Variants in MALRD1 observed in about 807,000 individuals in gnomAD.
MALRD1 encodes MAM and LDL-receptor class A domain-containing protein 1.
In MALRD1, 247 loss-of-function variants were observed where a neutral mutation model predicts 242.1. The observed-to-expected ratio is 1.02, with a 90% confidence interval of 0.92 to 1.13. The LOEUF is 1.13. MALRD1 is among the 50% of genes most tolerant of loss of function. The pLI is 0.00. For synonymous variants in MALRD1, 995 were observed against 866.6 expected, an observed-to-expected ratio of 1.15 and a Z score of -2.60; for missense variants, 2,989 against 2,533.1, an observed-to-expected ratio of 1.18 and a Z score of -3.86.
At chr10:19,679,050 C>T (rs1842255924) in intron 36 of MALRD1, among the ~76,000 whole-genome samples, 2 of 152,128 alleles carry the variant, frequency 1.3e-5, no homozygotes, top group African/African-American at 4.8e-5. Flanking sequence ...CTGCTGGATT[C>T]AGTTTGCCAG....
At chr10:19,651,761 C>T (rs1401864191) in intron 36 of MALRD1, among the ~76,000 whole-genome samples, 1 of 152,168 alleles carries the variant, frequency 6.6e-6, no homozygotes, top group Non-Finnish European at 1.5e-5. Context: ...AGAAAGAATG[C>T]CATGAGATCA....
At chr10:19,310,241 A>G (rs2131987102) in intron 21 of MALRD1, among the ~76,000 whole-genome samples, 1 of 151,636 alleles carries the variant, frequency 6.6e-6, no homozygotes, top group South Asian at 2.1e-4. Context: ...TACTGACGTT[A>G]TTGGTAACAG....
intron 38 of MALRD1, among the ~76,000 whole-genome samples, chr10:19,692,946 G>A (rs1833170732): frequency 1.3e-5 from 2 of 148,648 alleles, no homozygotes; most frequent in South Asian, 4.2e-4. Flanking sequence ...ATGTAATCCA[G>A]CATATAAACA....
At chr10:19,629,705 C>T (rs1025384018) in intron 36 of MALRD1, among the ~76,000 whole-genome samples, 7 of 152,056 alleles carry the variant, frequency 4.6e-5, no homozygotes, top group Admixed American at 6.6e-5. Flanking sequence ...TCAGTGGTGG[C>T]GCTCGAGAGA....
chr10:19,203,925 T>C (rs1383497638), intron 15 of MALRD1, 45 bp downstream of exon 15: 3 of 1,546,650 alleles, frequency 1.9e-6, no homozygotes, highest in Non-Finnish European at 2.6e-6. Flanking sequence ...ATTTACTGTT[T>C]AGTTAGACTT....
intron 21 of MALRD1, among the ~76,000 whole-genome samples, chr10:19,307,502 C>G (rs11009391): frequency 0.13 from 19,137 of 151,454 alleles, 1,285 homozygotes; most frequent in South Asian, 0.16. Context: ...TCATAAAATA[C>G]AGTTTCAGTG....
chr10:19,322,323 C>A (rs1842941288), intron 21 of MALRD1, among the ~76,000 whole-genome samples: 1 of 151,990 alleles, frequency 6.6e-6, no homozygotes, highest in Non-Finnish European at 1.5e-5. Flanking sequence ...AGACATAATT[C>A]AGATAAATAT....
intron 33 of MALRD1, among the ~76,000 whole-genome samples, chr10:19,581,691 T>C (rs1010043536): frequency 4.0e-5 from 6 of 150,242 alleles, no homozygotes; most frequent in African/African-American, 9.8e-5. Context: ...CGTGTGCATG[T>C]GTCTTTATAG....
chr10:19,579,250 GAAT>G (rs1836984726), intron 33 of MALRD1, among the ~76,000 whole-genome samples: 1 of 152,100 alleles, frequency 6.6e-6, no homozygotes, highest in African/African-American at 2.4e-5. Flanking sequence ...GACAATTGTA[GAAT>G]AATATCTGAG....
At chr10:19,479,931 C>G (rs970608000) in intron 29 of MALRD1, among the ~76,000 whole-genome samples, 1 of 152,164 alleles carries the variant, frequency 6.6e-6, no homozygotes, top group Non-Finnish European at 1.5e-5. Context: ...TACTTCTACT[C>G]ACATTCCATG....
chr10:19,595,608 G>A (rs925400845), intron 34 of MALRD1, among the ~76,000 whole-genome samples, 151 bp downstream of exon 34: 8 of 152,140 alleles, frequency 5.3e-5, no homozygotes, highest in African/African-American at 1.9e-4. Flanking sequence ...GCAAAACAAG[G>A]CATCTGTCCT....
intron 28 of MALRD1, among the ~76,000 whole-genome samples, chr10:19,400,887 G>A (rs192969889): frequency 5.4e-4 from 82 of 152,090 alleles, no homozygotes; most frequent in African/African-American, 2.0e-3. Flanking sequence ...GTGGTGGCAC[G>A]TTCCTGTAAT....
intron 28 of MALRD1, among the ~76,000 whole-genome samples, chr10:19,427,959 G>C (rs1833963694): frequency 6.6e-6 from 1 of 152,062 alleles, no homozygotes; most frequent in Admixed American, 6.5e-5. Flanking sequence ...CATGAGTGCA[G>C]CCTAAATCTC....
chr10:19,088,221 G>A (rs1369160659), intron 4 of MALRD1, 36 bp downstream of exon 4: 2 of 1,229,952 alleles, frequency 1.6e-6, no homozygotes, highest in Non-Finnish European at 2.0e-6. Context: ...TGGCCTTGAA[G>A]AAAAATAAGA....
At chr10:19,478,033 A>G (rs1300305296) in intron 29 of MALRD1, among the ~76,000 whole-genome samples, 1 of 152,198 alleles carries the variant, frequency 6.6e-6, no homozygotes, top group Non-Finnish European at 1.5e-5. Context: ...GCTGAATTTT[A>G]CAGGCTGCTC....
intron 21 of MALRD1, among the ~76,000 whole-genome samples, chr10:19,317,579 A>G (rs780290156): frequency 6.6e-6 from 1 of 152,034 alleles, no homozygotes; most frequent in Non-Finnish European, 1.5e-5. Flanking sequence ...CAAAGGACAA[A>G]TTCCATCTGA....
intron 33 of MALRD1, among the ~76,000 whole-genome samples, chr10:19,591,511 T>G (rs2131547623): frequency 6.6e-6 from 1 of 151,474 alleles, no homozygotes; most frequent in East Asian, 1.9e-4. Context: ...TTTTTTTTTT[T>G]TTTTTTGACC....
At chr10:19,489,151 C>T in intron 29 of MALRD1, 1 of 468,736 alleles carries the variant, frequency 2.1e-6, no homozygotes, top group South Asian at 1.5e-5. Context: ...AAAAGCCTAA[C>T]AGGAGGTCAG....
intron 29 of MALRD1, among the ~76,000 whole-genome samples, chr10:19,480,322 A>G (rs1431507713): frequency 6.6e-6 from 1 of 152,236 alleles, no homozygotes; most frequent in Non-Finnish European, 1.5e-5. Context: ...TTGTGGTTGT[A>G]GACATGGGGC....
Sources: allele counts gnomAD v4.1 joint callset (sites outside exome capture counted in the v4.1 genomes callset), GRCh38; gene constraint gnomAD v4.1.1; transcripts MANE v1.5; gene names NCBI Gene and HGNC (gene_info 2026-07-23, HGNC 2026-07-21).